Variants in TSPEAR observed in about 807,000 individuals in gnomAD.
The protein encoded by TSPEAR is thrombospondin type laminin G domain and EAR repeats.
In TSPEAR, 69 loss-of-function variants were observed where a neutral mutation model predicts 71.6. The observed-to-expected ratio is 0.96, with a 90% confidence interval of 0.79 to 1.18. The LOEUF is 1.18. Ranked by LOEUF, TSPEAR falls within the 50% of genes most tolerant of loss-of-function variation. TSPEAR has a pLI of 0.00. For missense variants in TSPEAR, 971 were observed against 894.9 expected, an observed-to-expected ratio of 1.09 and a Z score of -1.09; for synonymous variants, 402 against 387.2, an observed-to-expected ratio of 1.04 and a Z score of -0.45.
intron 1 of TSPEAR, among the ~76,000 whole-genome samples, chr21:44,651,335 T>C (rs1555941372): frequency 6.6e-6 from 1 of 152,162 alleles, no homozygotes; most frequent in Non-Finnish European, 1.5e-5. Flanking sequence ...AACACCAGGC[T>C]GTGAGACAGA....
rs2051967188 is a variant in TSPEAR, at chr21:44,498,359, AG to A, written c.*1423del. 6.6e-6 allele frequency: 1 copy of A among 152,218 alleles called. No individual in the cohort carries two copies. Among genetic ancestry groups the A allele is most frequent in the South Asian group, 2.1e-4 (1 of 4,828 alleles). The allele number at this position is 152,218 out of a possible 1,614,324, so 9.4% of individuals were successfully genotyped here. ...CCTTCTGAGTGACTTGGTGGAAAGCAGGGCCCAACCCTCCTGCCCAGGACGC... is the reference window on the plus strand; with the variant it reads ...CCTTCTGAGTGACTTGGTGGAAAGCAGGCCCAACCCTCCTGCCCAGGACGC... On this transcript the variant is annotated 3_prime_UTR_variant, in exon 12 of 12. Coordinates refer to ENST00000323084, the MANE Select transcript of TSPEAR (RefSeq NM_144991.3).
At chr21:44,591,717 G>A in intron 1 of TSPEAR, 1 of 1,597,218 alleles carries the variant, frequency 6.3e-7, no homozygotes. Context: ...AAGCTGGCTG[G>A]CAGCTAGACT....
chr21:44,503,008 A>AGAAAGCTGGCTTCGGTGAGCCCTCGGGG (rs1569147441), intron 11 of TSPEAR, among the ~76,000 whole-genome samples: 28 of 109,416 alleles, frequency 2.6e-4, no homozygotes, highest in African/African-American at 9.3e-4. Flanking sequence ...AGGTGCTGGG[A>AGAAAGCTGGCTTCGGTGAGCCCTCGGGG]GGAAGCCGGC....
intron 1 of TSPEAR, among the ~76,000 whole-genome samples, chr21:44,705,498 T>C (rs1215786208): frequency 6.6e-6 from 1 of 152,268 alleles, no homozygotes; most frequent in Non-Finnish European, 1.5e-5. Context: ...GAAATATCGC[T>C]GAATTCTTTT....
intron 2 of TSPEAR, among the ~76,000 whole-genome samples, chr21:44,565,024 C>T (rs2053684492): frequency 1.3e-5 from 2 of 152,050 alleles, no homozygotes; most frequent in Admixed American, 1.3e-4. Context: ...AAACAGCACA[C>T]TCTTATATAA....
intron 1 of TSPEAR, among the ~76,000 whole-genome samples, chr21:44,578,891 A>C (rs464504): frequency 0.92 from 139,596 of 152,172 alleles, 64,487 homozygotes; most frequent in Non-Finnish European, 0.97. Flanking sequence ...TGGGTCCTGA[A>C]AGCCCATGCG....
chr21:44,603,344 C>T (rs1981103272), intron 1 of TSPEAR, among the ~76,000 whole-genome samples: 1 of 152,240 alleles, frequency 6.6e-6, no homozygotes, highest in Non-Finnish European at 1.5e-5. Flanking sequence ...CTTTGCGTCA[C>T]TGGCTCCCCT....
chr21:44,574,922 A>G lies in TSPEAR; in HGVS notation c.83-6917T>C, dbSNP rs782422155. 1.4e-5 allele frequency: 22 copies of G among 1,606,486 alleles called. 1 individual carries two copies. Among genetic ancestry groups the G allele is most frequent in the Middle Eastern group, 1.7e-4 (1 of 6,028 alleles). On this transcript the variant is annotated intron_variant, in intron 1 of 11. Transcript: ENST00000323084. ...GCTGTGCTCCCACCTCCTCCTGCCAACCCAGCTGCTGCCGCCCAGCCTCCT... is the reference window on the plus strand; with the variant it reads ...GCTGTGCTCCCACCTCCTCCTGCCAGCCCAGCTGCTGCCGCCCAGCCTCCT...
At chr21:44,602,844 T>C (rs1323913814) in intron 1 of TSPEAR, among the ~76,000 whole-genome samples, 3 of 152,098 alleles carry the variant, frequency 2.0e-5, no homozygotes, top group Non-Finnish European at 4.4e-5. Context: ...CCCAGGAACC[T>C]TTCCCTTGGT....
At chr21:44,666,732 G>A (rs1310446047) in intron 1 of TSPEAR, 2 of 1,614,022 alleles carry the variant, frequency 1.2e-6, no homozygotes, top group African/African-American at 2.7e-5. Context: ...GCACACGGCT[G>A]GCTTGAAGCT....
At chr21:44,708,577 C>G (rs1052807081) in intron 1 of TSPEAR, among the ~76,000 whole-genome samples, 1 of 152,172 alleles carries the variant, frequency 6.6e-6, no homozygotes, top group Non-Finnish European at 1.5e-5. Context: ...TGCAAATCTG[C>G]GCCATCATTT....
chr21:44,539,988 T>C, intron 2 of TSPEAR: 1 of 1,613,260 alleles, frequency 6.2e-7, no homozygotes, highest in Non-Finnish European at 8.5e-7. Context: ...CAGCAGGGGC[T>C]GGACACACGG....
chr21:44,681,308 C>T (rs1235938433), intron 1 of TSPEAR, among the ~76,000 whole-genome samples: 1 of 152,192 alleles, frequency 6.6e-6, no homozygotes, highest in Admixed American at 6.5e-5. Context: ...GCTTGCTGGC[C>T]TGGAGCAGGA....
intron 10 of TSPEAR, chr21:44,508,606 A>G: frequency 1.7e-6 from 2 of 1,181,366 alleles, no homozygotes; most frequent in Non-Finnish European, 2.1e-6. Flanking sequence ...CCCACTGTCC[A>G]AAATGTGGTG....
intron 1 of TSPEAR, among the ~76,000 whole-genome samples, chr21:44,621,773 G>A (rs1982449989): frequency 1.3e-5 from 2 of 152,240 alleles, no homozygotes; most frequent in African/African-American, 4.8e-5. Context: ...AGCTTTTGAT[G>A]TTAGATTCAA....
Position 44,499,083 on chromosome 21 carries a change from A to C in TSPEAR, c.*700T>G, listed in dbSNP as rs1488429900. ...TAAAATGCTGCTGAATAGGGAAAAAATCCCGGGCCCAGAAGTTGAGGTCCC... is the reference window on the plus strand; with the variant it reads ...TAAAATGCTGCTGAATAGGGAAAAACTCCCGGGCCCAGAAGTTGAGGTCCC... On this transcript the variant is annotated 3_prime_UTR_variant, in exon 12 of 12. Transcript: ENST00000323084. The C allele has an allele frequency of 6.6e-6, 1 of 152,252 alleles. No homozygotes were observed. The highest frequency in any genetic ancestry group is 1.5e-5 in the Non-Finnish European group (1 of 68,072). 9.4% of individuals were successfully genotyped at this position (152,252 alleles called of 1,614,324 possible). A position where few individuals can be genotyped will look rare whatever the true frequency, so the allele number is the denominator to read the frequency against.
intron 1 of TSPEAR, among the ~76,000 whole-genome samples, chr21:44,657,086 ACT>A (rs1183362822): frequency 6.6e-6 from 1 of 150,630 alleles, no homozygotes; most frequent in Non-Finnish European, 1.5e-5. Flanking sequence ...CAGCATCCTC[ACT>A]CTCTCCATGG....
intron 1 of TSPEAR, chr21:44,601,740 C>A (rs782298389): frequency 6.2e-7 from 1 of 1,607,702 alleles, no homozygotes; most frequent in East Asian, 2.2e-5. Flanking sequence ...GCTGAGTGAT[C>A]TCCTTAAGAT....
intron 8 of TSPEAR, among the ~76,000 whole-genome samples, chr21:44,523,312 A>C (rs587752485): frequency 7.1e-6 from 1 of 141,072 alleles, no homozygotes; most frequent in African/African-American, 3.2e-5. Context: ...TCAGTTTGTC[A>C]GTCAGTCAGG....
Sources: allele counts gnomAD v4.1 joint callset (sites outside exome capture counted in the v4.1 genomes callset), GRCh38; gene constraint gnomAD v4.1.1; transcripts MANE v1.5; gene names NCBI Gene and HGNC (gene_info 2026-07-23, HGNC 2026-07-21).